Variants in PDE10A observed in about 807,000 individuals in gnomAD.
PDE10A encodes the protein phosphodiesterase 10A.
In PDE10A, 39 loss-of-function variants were observed where a neutral mutation model predicts 97.7. The observed-to-expected ratio is 0.40, with a 90% CI of 0.31 to 0.52. The LOEUF (loss-of-function observed/expected upper bound fraction) is 0.52, where lower values mean the gene tolerates loss of function less well. Among genes scored for constraint, PDE10A ranks in the 20% least tolerant of loss-of-function variants. The pLI is 0.56. For missense variants in PDE10A, 731 were observed against 1,047.8 expected (o/e 0.70, Z 4.17); for synonymous variants, 371 against 376.8 (o/e 0.98, Z 0.18).
At chr6:165,623,505 A>AG (rs1337668784) in intron 1 of PDE10A, among the ~76,000 whole-genome samples, 1,531 of 121,766 alleles carry the variant, frequency 0.013, 24 homozygotes, top group African/African-American at 0.043. Context: ...GGAGAGAGAG[A>AG]GAGAAAAAAA....
At chr6:165,526,439 T>C (rs1439221282) in intron 2 of PDE10A, among the ~76,000 whole-genome samples, 2 of 152,120 alleles carry the variant, frequency 1.3e-5, no homozygotes, top group Admixed American at 1.3e-4. Context: ...GGGTGAGGGC[T>C]ATTATGGTGA....
At chr6:165,366,820 G>C (rs931589740) in intron 18 of PDE10A, among the ~76,000 whole-genome samples, 3 of 152,132 alleles carry the variant, frequency 2.0e-5, no homozygotes, top group Non-Finnish European at 4.4e-5. Context: ...AAGCTTAAAG[G>C]AACATACTCA....
In PDE10A at chr6:165,662,035, G is replaced by C; in HGVS notation, c.777C>G (p.Ala259=). 6.7e-7 allele frequency: 1 copy of C among 1,483,118 alleles called. No individual in the cohort carries two copies. Among genetic ancestry groups the C allele is most frequent in the South Asian group, 1.3e-5 (1 of 77,802 alleles). 91.9% of individuals were successfully genotyped at this position (1,483,118 alleles called of 1,614,324 possible). ...QGASFALAAA[A]ALLFGSDMED... is the part of the protein sequence containing the mutation. ...CCATGTCGGAGCCGAAGAGCAGCGC[G>C]GCCGCGGCGGCGAGGGCGAAGCTGG... is the stretch of plus-strand genomic sequence containing the variant. Residue 259 remains alanine, a synonymous_variant, in exon 1 of 22, where the codon GCC becomes GCG. Coordinates refer to ENST00000539869, the MANE Select transcript of PDE10A (RefSeq NM_001385079.1).
At chr6:165,477,403 GTTAT>G in intron 3 of PDE10A, among the ~76,000 whole-genome samples, 1 of 152,254 alleles carries the variant, frequency 6.6e-6, no homozygotes, top group South Asian at 2.1e-4. Flanking sequence ...CGGTGCCTGT[GTTAT>G]TTATTTTTAC....
chr6:165,740,133 C>T (rs1792681271), intron 1 of PDE10A, among the ~76,000 whole-genome samples: 1 of 152,234 alleles, frequency 6.6e-6, no homozygotes, highest in South Asian at 2.1e-4. Context: ...GACATAAAAT[C>T]AGCACCTTGA....
At chr6:165,907,970 T>C (rs1782345205) in intron 1 of PDE10A, among the ~76,000 whole-genome samples, 1 of 152,204 alleles carries the variant, frequency 6.6e-6, no homozygotes, top group African/African-American at 2.4e-5. Flanking sequence ...TAGGACAACA[T>C]TGGAAACCCA....
At chr6:165,506,991 T>C (rs972866706) in intron 2 of PDE10A, among the ~76,000 whole-genome samples, 3 of 152,132 alleles carry the variant, frequency 2.0e-5, no homozygotes, top group African/African-American at 4.8e-5. Context: ...CCTTTAGTAA[T>C]TGATGTTTAG....
chr6:165,531,156 C>CT (rs773277437), intron 2 of PDE10A, among the ~76,000 whole-genome samples: 40 of 152,134 alleles, frequency 2.6e-4, no homozygotes, highest in African/African-American at 6.7e-4. Flanking sequence ...ATCACATACT[C>CT]TAACTACATG....
chr6:165,876,015 A>C (rs763675090), intron 1 of PDE10A, among the ~76,000 whole-genome samples: 46 of 152,260 alleles, frequency 3.0e-4, no homozygotes, highest in Non-Finnish European at 5.1e-4. Flanking sequence ...AGGCAGGTCT[A>C]TGCATCTGGC....
intron 18 of PDE10A, among the ~76,000 whole-genome samples, chr6:165,374,330 G>T (rs1784470179): frequency 6.6e-6 from 1 of 151,716 alleles, no homozygotes; most frequent in African/African-American, 2.4e-5. Context: ...TCAAAAATTT[G>T]TCCTCCTGAA....
intron 1 of PDE10A, among the ~76,000 whole-genome samples, chr6:165,619,926 G>A (rs548469479): frequency 3.3e-5 from 5 of 152,196 alleles, no homozygotes; most frequent in East Asian, 1.9e-4. Context: ...CAGATGAGAT[G>A]AGATATTTAA....
intron 1 of PDE10A, among the ~76,000 whole-genome samples, chr6:165,812,303 ATAT>A (rs1282491684): frequency 1.3e-5 from 2 of 152,236 alleles, no homozygotes; most frequent in Non-Finnish European, 2.9e-5. Context: ...TAAAAGGATA[ATAT>A]TATATTGTCC....
chr6:165,739,520 T>A (rs1382864406), intron 1 of PDE10A, among the ~76,000 whole-genome samples: 2 of 151,700 alleles, frequency 1.3e-5, no homozygotes, highest in Non-Finnish European at 2.9e-5. Context: ...ATGTAAGATC[T>A]GAAGCTGTGA....
intron 1 of PDE10A, among the ~76,000 whole-genome samples, chr6:165,543,891 T>TGC (rs35613731): frequency 6.6e-6 from 1 of 152,088 alleles, no homozygotes; most frequent in African/African-American, 2.4e-5. Context: ...TGTGTGTGTG[T>TGC]ATGACCACAA....
At chr6:165,832,715 G>T (rs1779957645) in intron 1 of PDE10A, among the ~76,000 whole-genome samples, 3 of 152,184 alleles carry the variant, frequency 2.0e-5, no homozygotes, top group Non-Finnish European at 4.4e-5. Flanking sequence ...AATGTCACTG[G>T]CAATGACTGA....
At chr6:165,825,310 C>G (rs1312258518) in intron 1 of PDE10A, among the ~76,000 whole-genome samples, 7 of 152,174 alleles carry the variant, frequency 4.6e-5, no homozygotes, top group Non-Finnish European at 4.4e-5. Flanking sequence ...CCTGTGGTGG[C>G]CAAGTGGGTC....
intron 10 of PDE10A, among the ~76,000 whole-genome samples, chr6:165,419,199 C>A (rs1307683007): frequency 2.0e-5 from 3 of 152,186 alleles, no homozygotes; most frequent in Admixed American, 1.3e-4. Context: ...CTACGACCAC[C>A]ACTCATTCTG....
At chr6:165,430,569 T>C (rs1411988164) in intron 8 of PDE10A, among the ~76,000 whole-genome samples, 3 of 152,118 alleles carry the variant, frequency 2.0e-5, no homozygotes, top group Non-Finnish European at 4.4e-5. Flanking sequence ...CCACAAAACA[T>C]TATAGGTTTG....
At chr6:165,752,375 C>A (rs59751101) in intron 1 of PDE10A, among the ~76,000 whole-genome samples, 2 of 152,050 alleles carry the variant, frequency 1.3e-5, no homozygotes, top group African/African-American at 4.8e-5. Context: ...TCAAAGTGAG[C>A]GAGCTGGCCT....
Sources: gnomAD v4.1 joint callset for allele counts (sites outside exome capture counted in the v4.1 genomes callset) on GRCh38, gnomAD v4.1.1 for gene constraint, MANE v1.5 for transcripts, NCBI Gene and HGNC (gene_info 2026-07-23, HGNC 2026-07-21) for gene names.